The following PIGN variants were observed in gnomAD, a reference collection of about 807,000 sequenced individuals.
PIGN encodes GPI ethanolamine phosphate transferase 1.
A neutral mutation model predicts 125.4 loss-of-function variants in PIGN; 117 were observed. The ratio of observed to expected loss-of-function variants is 0.93; its 90% confidence interval spans 0.80 to 1.09. The LOEUF (loss-of-function observed/expected upper bound fraction) is 1.09. Ranked by LOEUF, PIGN falls within the 50% of genes least tolerant of loss-of-function variation. The pLI, the probability that PIGN is intolerant of heterozygous loss-of-function variation, is 0.00. For missense variants in PIGN, 1,075 were observed against 1,094.9 expected (o/e 0.98, Z 0.26); for synonymous variants, 392 against 377.8 (o/e 1.04, Z -0.44).
intron 23 of PIGN, among the ~76,000 whole-genome samples, chr18:62,029,189 T>G (rs951750976): frequency 2.7e-4 from 41 of 152,300 alleles, no homozygotes; most frequent in African/African-American, 8.9e-4. Flanking sequence ...GAAGAAGGAC[T>G]GTTCCATCTT....
chr18:62,060,186 C>T (rs1349589127), intron 30 of PIGN, among the ~76,000 whole-genome samples: 2 of 152,172 alleles, frequency 1.3e-5, no homozygotes, highest in Non-Finnish European at 1.5e-5. Context: ...GGTGTCATCT[C>T]GCCATAGCAG....
chr18:62,181,637 C>A (rs1232191265), intron 1 of PIGN, among the ~76,000 whole-genome samples: 2 of 152,096 alleles, frequency 1.3e-5, no homozygotes, highest in African/African-American at 4.8e-5. Flanking sequence ...GTCTTGAACT[C>A]CTGGGCTCAA....
In PIGN at chr18:62,109,925, C is replaced by A; in HGVS notation, c.1483G>T (p.Val495Leu). 6.2e-7 allele frequency: 1 copy of A among 1,613,330 alleles called. No individual in the cohort carries two copies. Among genetic ancestry groups the A allele is most frequent in the South Asian group, 1.1e-5 (1 of 91,068 alleles). ...PCSFVAIGIL[V>L]AFFLLIQACP... ...GCTTGAATCAGCAGAAAAAATGCTA[C>A]TAAAATGCCAATAGCTACAAAACTA... The change falls in exon 17 of 31, where the codon GTA becomes TTA. Residue 495 changes from valine (V) to leucine (L), a missense_variant. By Grantham distance (32) the Val-to-Leu change is conservative (BLOSUM62 1). This residue lies in a region of PIGN where 915 missense variants were observed against 908.7 expected (regional missense o/e 1.01). Coordinates refer to ENST00000640252, the MANE Select transcript of PIGN (RefSeq NM_176787.5).
At chr18:62,166,152 C>G (rs1000767286) in intron 1 of PIGN, among the ~76,000 whole-genome samples, 1 of 152,126 alleles carries the variant, frequency 6.6e-6, no homozygotes, top group Non-Finnish European at 1.5e-5. Context: ...AGTGGAGGAG[C>G]TGGGCTACTC....
rs1366575381 is a variant in PIGN at position 62,044,868 on chromosome 18, T to G, written c.*988A>C. 2 of 152,178 alleles carry G rather than the reference T, an allele frequency of 1.3e-5. No homozygotes were observed. The highest frequency in any genetic ancestry group is 2.9e-5 in the Non-Finnish European group (2 of 68,026). The allele number at this position is 152,178 out of a possible 1,614,324, so 9.4% of individuals were successfully genotyped here. A position where few individuals can be genotyped will look rare whatever the true frequency, so the allele number is the denominator to read the frequency against. The stretch of plus-strand genomic sequence containing the variant: ...TATGGATAATCCATATAAAAACTGC[T>G]CTCAAGATATTTTGCCCATTAGAAT... On this transcript the variant is annotated 3_prime_UTR_variant, in exon 31 of 31. Coordinates refer to ENST00000640252, the MANE Select transcript of PIGN (RefSeq NM_176787.5).
At chr18:62,112,880 T>C (rs900649630) in intron 16 of PIGN, 8 of 423,020 alleles carry the variant, frequency 1.9e-5, no homozygotes, top group Non-Finnish European at 8.3e-6. Context: ...ATTGATAACA[T>C]AGGAGCACTT....
At chr18:62,151,746 A>C (rs941575112) in intron 7 of PIGN, among the ~76,000 whole-genome samples, 4 of 152,054 alleles carry the variant, frequency 2.6e-5, no homozygotes, top group Non-Finnish European at 5.9e-5. Flanking sequence ...CTGCCTTATG[A>C]CCCCCAGTCG....
At chr18:62,130,851 T>C (rs377582207) in intron 14 of PIGN, among the ~76,000 whole-genome samples, 8 of 152,110 alleles carry the variant, frequency 5.3e-5, no homozygotes, top group Admixed American at 1.3e-4. Flanking sequence ...ATTTTAAGAG[T>C]ATAAAGACAG....
At chr18:62,087,074 G>A (rs1368264954) in intron 25 of PIGN, among the ~76,000 whole-genome samples, 1 of 152,080 alleles carries the variant, frequency 6.6e-6, no homozygotes, top group Non-Finnish European at 1.5e-5. Flanking sequence ...GGTCAAGTTT[G>A]GAAAAACACA....
intron 1 of PIGN, chr18:62,186,136 C>T (rs1274767141): frequency 6.8e-6 from 1 of 146,604 alleles, no homozygotes; most frequent in Non-Finnish European, 1.5e-5. Flanking sequence ...CTGCAATCTT[C>T]GCCTCCGGGG....
Position 62,161,120 on chromosome 18 carries a change from T to C in PIGN, c.221+13A>G. 6.5e-7 allele frequency: 1 copy of C among 1,549,646 alleles called. No homozygotes were observed. Among genetic ancestry groups the C allele is most frequent in the Admixed American group, 1.7e-5 (1 of 59,130 alleles). ...ATTTTAAGAGATGTCTCTGTATCAG[T>C]TTACATGCTTACCTAATAAACGGTG... On this transcript the variant is annotated intron_variant, in intron 4 of 30. Transcript: ENST00000640252.
chr18:62,065,664 G>A (rs765611412), intron 30 of PIGN, among the ~76,000 whole-genome samples: 9 of 151,994 alleles, frequency 5.9e-5, no homozygotes, highest in East Asian at 1.9e-4. Context: ...GTGTGAACCC[G>A]GGAGACAGAG....
chr18:62,029,820 C>T (rs1039069630), intron 23 of PIGN, among the ~76,000 whole-genome samples: 2 of 152,188 alleles, frequency 1.3e-5, no homozygotes, highest in Admixed American at 6.5e-5. Context: ...GCATTCATTG[C>T]ATTGGGTCAA....
At chr18:62,185,587 T>C (rs1188398132) in intron 1 of PIGN, among the ~76,000 whole-genome samples, 1 of 45,884 alleles carries the variant, frequency 2.2e-5, no homozygotes. Context: ...AATCGTCTAT[T>C]TTAATTTTTC....
chr18:62,160,512 C>CT (rs561498846), intron 4 of PIGN, among the ~76,000 whole-genome samples: 6,739 of 149,612 alleles, frequency 0.045, 180 homozygotes, highest in South Asian at 0.07. Context: ...AATTAGCAGA[C>CT]TTTTTTTTTG....
At chr18:62,063,258 A>C (rs1180159369) in intron 30 of PIGN, among the ~76,000 whole-genome samples, 1 of 150,696 alleles carries the variant, frequency 6.6e-6, no homozygotes, top group African/African-American at 2.4e-5. Flanking sequence ...GGTTTTATAG[A>C]TTTTAGCCAA....
chr18:62,029,422 G>A (rs1296990046), intron 23 of PIGN, among the ~76,000 whole-genome samples: 1 of 152,176 alleles, frequency 6.6e-6, no homozygotes, highest in East Asian at 1.9e-4. Flanking sequence ...CAAGGGCTCA[G>A]GTAGGTAAAG....
At chr18:62,065,041 G>A (rs9965630) in intron 30 of PIGN, among the ~76,000 whole-genome samples, 52,437 of 151,986 alleles carry the variant, frequency 0.35, 10,083 homozygotes, top group East Asian at 0.7. Context: ...CGGGACTTCC[G>A]GAATAGACCA....
At chr18:62,135,352 T>C (rs978472768) in intron 14 of PIGN, among the ~76,000 whole-genome samples, 1 of 152,140 alleles carries the variant, frequency 6.6e-6, no homozygotes, top group Non-Finnish European at 1.5e-5. Context: ...TGGTGATTTT[T>C]AGCCAGACAG....
Sources: allele counts gnomAD v4.1 joint callset (sites outside exome capture counted in the v4.1 genomes callset), GRCh38; gene constraint gnomAD v4.1.1; regional missense constraint gnomAD v4.1.1; transcripts MANE v1.5; gene names NCBI Gene and HGNC (gene_info 2026-07-23, HGNC 2026-07-21).